The following RET variants were observed in gnomAD, a reference collection of about 807,000 sequenced individuals.
RET encodes the protein ret proto-oncogene.
A neutral mutation model predicts 118.3 loss-of-function variants in RET; 19 were observed. That is an observed-to-expected ratio of 0.16 (90% CI 0.11 to 0.24). The LOEUF (loss-of-function observed/expected upper bound fraction) is 0.24, where lower values mean the gene tolerates loss of function less well. Ranked by LOEUF, RET falls within the 10% of genes least tolerant of loss-of-function variation. The pLI is 1.00. For missense variants in RET, 1,219 were observed against 1,502.1 expected, an observed-to-expected ratio of 0.81 and a Z score of 3.12; for synonymous variants, 597 against 644.1, an observed-to-expected ratio of 0.93 and a Z score of 1.11.
At chr10:43,086,802 G>A (rs1313015883) in intron 1 of RET, among the ~76,000 whole-genome samples, 3 of 152,264 alleles carry the variant, frequency 2.0e-5, no homozygotes, top group Non-Finnish European at 4.4e-5. Context: ...TGGCCAGGCC[G>A]CTGCAGCTGG....
rs1280106531 is a variant in RET at position 43,098,420 on chromosome 10, C to CT, written c.74-2039_74-2038insT. Among the ~76,000 whole-genome samples the CT allele has an allele frequency of 1.4e-4, 17 of 118,932 alleles. No individual in the cohort carries two copies. The East Asian group carries it at 3.5e-3, about 25-fold the overall frequency. 78.0% of individuals were successfully genotyped at this position (118,932 alleles called of 152,430 possible). On this transcript the variant is annotated intron_variant, in intron 1 of 19. Coordinates refer to ENST00000355710, the MANE Select transcript of RET (RefSeq NM_020975.6). ...TTATAGCCTGTGTCAGGATTTTCCT[C>CT]CTTTTTTTTTTTTTTTTTTTGAGAC...
At position 43,127,258 on chromosome 10, in the gene RET, G is replaced by GTCC. The variant is rs1310475203; in HGVS notation, c.3187+540_3187+542dup. 2.8e-6 allele frequency: 3 copies of GTCC among 1,072,300 alleles called. No individual in the cohort carries two copies. The African/African-American group carries it at 4.9e-5, about 18-fold the overall frequency. The allele number at this position is 1,072,300 out of a possible 1,614,324, so 66.4% of individuals were successfully genotyped here. On this transcript the variant is annotated intron_variant, in intron 19 of 19. Transcript: ENST00000355710. ...GCCTCAGCCCCAGTCCCAGCCACAT[G>GTCC]TCCTCCATCAGGGGTAGCGAGGTTG... is the stretch of plus-strand genomic sequence containing the variant.
At chr10:43,127,048 G>C in intron 19 of RET, 1 of 1,263,198 alleles carries the variant, frequency 7.9e-7, no homozygotes, top group Non-Finnish European at 1.0e-6. Context: ...TGGGAATCAA[G>C]TCATAGTACT....
rs143748174 is a variant in RET at position 43,103,241 on chromosome 10, G to A, written c.625+612G>A. 1.8e-4 allele frequency among the ~76,000 whole-genome samples: 27 copies of A among 152,306 alleles called. No individual in the cohort carries two copies. In the East Asian group the frequency reaches 4.6e-3, roughly 26 times the overall value. ...CTATGGAAGACTTTGGAGGGAGGGA[G>A]TGCTGGCAGGACCTGACTTAGTTTT... On this transcript the variant is annotated intron_variant, in intron 3 of 19. Coordinates refer to ENST00000355710, the MANE Select transcript of RET (RefSeq NM_020975.6).
intron 16 of RET, 137 bp from the exon 17 acceptor site, chr10:43,123,534 G>A (rs1187139656): frequency 8.4e-7 from 1 of 1,185,696 alleles, no homozygotes; most frequent in African/African-American, 1.5e-5. Flanking sequence ...CCAGACCCAG[G>A]CTGACATCTG....
intron 1 of RET, among the ~76,000 whole-genome samples, chr10:43,100,254 CCT>C (rs1196274237): frequency 5.9e-5 from 9 of 152,186 alleles, no homozygotes; most frequent in African/African-American, 1.9e-4. Flanking sequence ...TACTGCTTCC[CCT>C]GTTTCCTTTT....
rs55862116 is a variant in RET, at chr10:43,114,637, C to T, written c.2037C>T (p.Pro679=). ...ISSAEMTFRR[P]AQAFPVSYSS... ...CAGCTGAGATGACCTTCCGGAGGCCCGCCCAGGCCTTCCCGGTCAGCTACT... is the reference window on the plus strand; with the variant it reads ...CAGCTGAGATGACCTTCCGGAGGCCTGCCCAGGCCTTCCCGGTCAGCTACT... The change falls in exon 11 of 20, where the codon CCC becomes CCT. Residue 679 remains proline, a synonymous_variant. Transcript: ENST00000355710. The surrounding 1 kb of genome is among the most constrained non-coding windows in gnomAD (Gnocchi z 4.6). 4.6e-4 allele frequency: 739 copies of T among 1,613,044 alleles called. 7 individuals are homozygous for T. The East Asian group carries it at 0.014, about 32-fold the overall frequency.
chr10:43,102,980 A>C, intron 3 of RET: 2 of 350,948 alleles, frequency 5.7e-6, no homozygotes, highest in Admixed American at 4.0e-5. Context: ...AGACGAGGAG[A>C]CCTCCATTCC....
At position 43,112,864 on chromosome 10, in the gene RET, A is replaced by C. The variant is rs1837971699; in HGVS notation, c.1660A>C (p.Asn554His). Residue 554 changes from asparagine to histidine, a missense_variant, in exon 9 of 20, where the codon AAC becomes CAC. By Grantham distance (68) the Asn-to-His change is moderately conservative. Around this residue, in one of 5 missense-constraint regions of RET, gnomAD observed 850 missense variants for 969.6 expected, o/e 0.88. Transcript: ENST00000355710. Reference sequence around the variant, plus strand: ...TGTGTCCTGTGCAGGGATCACCAGGAACTTCTCCACCTGCTCTCCCAGCAC... The same window carrying C: ...TGTGTCCTGTGCAGGGATCACCAGGCACTTCTCCACCTGCTCTCCCAGCAC... Reference protein sequence around the residue: ...RQGDGKGITRNFSTCSPSTKT... With the variant: ...RQGDGKGITRHFSTCSPSTKT... The C allele has an allele frequency of 6.2e-7, 1 of 1,613,964 alleles. No homozygotes were observed. Among genetic ancestry groups the C allele is most frequent in the East Asian group, 2.2e-5 (1 of 44,886 alleles).
chr10:43,121,460 A>G (rs1278725997), intron 15 of RET, among the ~76,000 whole-genome samples: 2 of 152,146 alleles, frequency 1.3e-5, no homozygotes, highest in Non-Finnish European at 2.9e-5. Flanking sequence ...AGATGCTAAA[A>G]GCACCCTGCA....
intron 1 of RET, among the ~76,000 whole-genome samples, chr10:43,092,341 T>C (rs1588857690): frequency 6.6e-6 from 1 of 152,170 alleles, no homozygotes; most frequent in East Asian, 1.9e-4. Flanking sequence ...AATTGTCTCA[T>C]GGGTACAGAA....
In RET at chr10:43,111,412, A is replaced by G. The variant is rs750291418; in HGVS notation, c.1469A>G (p.Gln490Arg). 1 of 1,613,760 alleles carries G rather than the reference A, an allele frequency of 6.2e-7. No individual in the cohort carries two copies. Among genetic ancestry groups the G allele is most frequent in the Non-Finnish European group, 8.5e-7 (1 of 1,179,934 alleles). Reference sequence around the variant, plus strand: ...CACTACATGGTGGTGGCCACCGACCAGCAGACCTCTAGGCAGGCCCAGGCC... The same window carrying G: ...CACTACATGGTGGTGGCCACCGACCGGCAGACCTCTAGGCAGGCCCAGGCC... ...ELHYMVVATD[Q>R]QTSRQAQAQL... The change falls in exon 7 of 20, where the codon CAG (glutamine) becomes CGG (arginine). Residue 490 changes from glutamine to arginine, a missense_variant. Gln to Arg is a conservative substitution (Grantham distance 43). Coordinates refer to ENST00000355710, the MANE Select transcript of RET (RefSeq NM_020975.6).
At chr10:43,094,764 T>C (rs1837486618) in intron 1 of RET, among the ~76,000 whole-genome samples, 1 of 152,234 alleles carries the variant, frequency 6.6e-6, no homozygotes, top group African/African-American at 2.4e-5. Context: ...AGCGGGTATA[T>C]ACCAGTATGA....
At chr10:43,120,838 C>A (rs959717672) in intron 15 of RET, among the ~76,000 whole-genome samples, 2 of 152,338 alleles carry the variant, frequency 1.3e-5, no homozygotes, top group South Asian at 4.1e-4. Flanking sequence ...AGCCCCTCTC[C>A]TGCAGCCTCC....
At chr10:43,110,544 C>G (rs1046194205) in intron 6 of RET, among the ~76,000 whole-genome samples, 45 of 152,292 alleles carry the variant, frequency 3.0e-4, no homozygotes, top group African/African-American at 1.1e-3. Context: ...CAGGTCCTGG[C>G]ATCCCCAGGA....
At chr10:43,104,847 G>C in intron 3 of RET, 105 bp from the exon 4 acceptor site, 1 of 1,491,428 alleles carries the variant, frequency 6.7e-7, no homozygotes, top group South Asian at 1.3e-5. Flanking sequence ...CTGGGGCCGC[G>C]GCGGTGTGCG....
chr10:43,088,468 C>A (rs1265947923), intron 1 of RET, among the ~76,000 whole-genome samples: 1 of 151,496 alleles, frequency 6.6e-6, no homozygotes, highest in Non-Finnish European at 1.5e-5. Context: ...GGTGATGGTG[C>A]TGGTGGTAGT....
Position 43,127,302 on chromosome 10 carries a change from G to GGGA in RET, c.3187+584_3187+586dup, listed in dbSNP as rs1270694813. ...GAGGTTGCAGGAGCTGGCTGGCCCT[G>GGGA]GGAGGACGCACCCCCACTGCTGTTT... On this transcript the variant is annotated intron_variant, in intron 19 of 19. Coordinates refer to ENST00000355710, the MANE Select transcript of RET (RefSeq NM_020975.6). 3.7e-6 allele frequency: 4 copies of GGGA among 1,071,464 alleles called. No homozygotes were observed. The African/African-American group carries it at 6.5e-5, about 18-fold the overall frequency. 66.4% of individuals were successfully genotyped at this position (1,071,464 alleles called of 1,614,324 possible). A position where few individuals can be genotyped will look rare whatever the true frequency, so the allele number is the denominator to read the frequency against.
At chr10:43,112,071 T>C (rs1412483620) in intron 7 of RET, 28 bp from the exon 8 acceptor site, 2 of 1,585,324 alleles carry the variant, frequency 1.3e-6, no homozygotes, top group South Asian at 2.3e-5. Context: ...GCCAGCCCCC[T>C]GTGACCCTGC....
Sources: gnomAD v4.1 joint callset for allele counts (sites outside exome capture counted in the v4.1 genomes callset) on GRCh38, gnomAD v4.1.1 for gene constraint, gnomAD v4.1.1 regional missense constraint, Gnocchi (gnomAD v3.1) non-coding constraint, MANE v1.5 for transcripts, NCBI Gene and HGNC (gene_info 2026-07-23, HGNC 2026-07-21) for gene names.